CYTH2: variants seen among roughly 807,000 people sequenced by gnomAD.
CYTH2 encodes cytohesin-2.
Under a neutral mutation model 55.4 loss-of-function variants are expected in CYTH2, and 24 were observed. That is an observed-to-expected ratio of 0.43 (90% CI 0.31 to 0.61). CYTH2 has a LOEUF of 0.61. Ranked by LOEUF, CYTH2 falls within the 20% of genes least tolerant of loss-of-function variation. The pLI is 0.08. For missense variants in CYTH2, 378 were observed against 533.5 expected (o/e 0.71, Z 2.87); for synonymous variants, 221 against 209.6 (o/e 1.05, Z -0.47).
Position 48,478,536 on chromosome 19 carries a change from G to A in CYTH2, c.1056G>A (p.Val352=), listed in dbSNP as rs758418002. 3.7e-6 allele frequency: 6 copies of A among 1,614,004 alleles called. No individual in the cohort carries two copies. Among genetic ancestry groups the A allele is most frequent in the Non-Finnish European group, 5.1e-6 (6 of 1,179,954 alleles). Residue 352 remains valine (V), a synonymous_variant, in exon 11 of 12, where the codon GTG becomes GTA. Coordinates refer to ENST00000452733, the MANE Select transcript of CYTH2 (RefSeq NM_004228.7). Reference sequence around the variant, plus strand: ...GAGTGGTGGAGGGAAACCACATGGTGTACCGGATCTCGGCCCCCACGCAGG... The same window carrying A: ...GAGTGGTGGAGGGAAACCACATGGTATACCGGATCTCGGCCCCCACGCAGG... ...DGRVVEGNHM[V]YRISAPTQEE... is the part of the protein sequence containing the mutation.
Position 48,478,288 on chromosome 19 carries a change from G to A in CYTH2, c.899G>A (p.Arg300Gln), listed in dbSNP as rs1370643705. 2.5e-6 allele frequency: 4 copies of A among 1,613,724 alleles called. No individual in the cohort carries two copies. Among genetic ancestry groups the A allele is most frequent in the Non-Finnish European group, 3.4e-6 (4 of 1,179,976 alleles). ...YFEYTTDKEP[R>Q]GIIPLENLSI... is the part of the protein sequence containing the mutation. Reference sequence around the variant, plus strand: ...TTGCTTCTTCAGGACAAGGAGCCCCGAGGAATCATCCCCCTGGAGAATCTG... The same window carrying A: ...TTGCTTCTTCAGGACAAGGAGCCCCAAGGAATCATCCCCCTGGAGAATCTG... Residue 300 changes from arginine to glutamine, a missense_variant, in exon 10 of 12, where the codon CGA (arginine) becomes CAA (glutamine). Coordinates refer to ENST00000452733, the MANE Select transcript of CYTH2 (RefSeq NM_004228.7).
At chr19:48,476,333 T>C in intron 8 of CYTH2, 1 of 206,686 alleles carries the variant, frequency 4.8e-6, no homozygotes, top group South Asian at 5.9e-5. Context: ...TGAGCTCAAG[T>C]GGTCGAGGCT....
intron 5 of CYTH2, 168 bp downstream of exon 5, chr19:48,473,546 T>A (rs1034540975): frequency 1.5e-6 from 1 of 669,536 alleles, no homozygotes; most frequent in Non-Finnish European, 2.6e-6. Context: ...TATGGCCTCC[T>A]TCAGGTATGG....
chr19:48,479,504 C>A lies in CYTH2; in HGVS notation c.*294C>A. On this transcript the variant is annotated 3_prime_UTR_variant, in exon 12 of 12. Coordinates refer to ENST00000452733, the MANE Select transcript of CYTH2 (RefSeq NM_004228.7). The stretch of plus-strand genomic sequence containing the variant: ...GTCTCTGGGTGCTGCCTGGGCTGTC[C>A]CGGTGGGTCTGTTCTGGTTTCACCC... The A allele has an allele frequency of 2.3e-6, 1 of 437,124 alleles. No individual in the cohort carries two copies. Among genetic ancestry groups the A allele is most frequent in the South Asian group, 2.8e-5 (1 of 36,172 alleles). The allele number at this position is 437,124 out of a possible 1,614,324, so 27.1% of individuals were successfully genotyped here.
In CYTH2 at chr19:48,474,735, C is replaced by A; in HGVS notation, c.697-103C>A. ...TCCTCCCCACTACCCCTCTCTCTTCCCCACTATGAGTCATCCCATCCCTGG... is the reference window on the plus strand; with the variant it reads ...TCCTCCCCACTACCCCTCTCTCTTCACCACTATGAGTCATCCCATCCCTGG... On this transcript the variant is annotated intron_variant, in intron 7 of 11. Transcript: ENST00000452733. This position sits in a 1 kb window ranked among gnomAD's most constrained non-coding sequence, Gnocchi z 4.9. The A allele has an allele frequency of 1.0e-6, 1 of 954,770 alleles. No homozygotes were observed. Among genetic ancestry groups the A allele is most frequent in the Non-Finnish European group, 1.7e-6 (1 of 603,554 alleles). The allele number at this position is 954,770 out of a possible 1,614,324, so 59.1% of individuals were successfully genotyped here.
At chr19:48,469,816 G>A in intron 1 of CYTH2, 1 of 423,806 alleles carries the variant, frequency 2.4e-6, no homozygotes, top group East Asian at 6.0e-5. Flanking sequence ...GGGCGGGCGA[G>A]CCCAGCGCCT....
At chr19:48,473,014 A>G in intron 4 of CYTH2, 1 of 396,950 alleles carries the variant, frequency 2.5e-6, no homozygotes, top group Non-Finnish European at 4.7e-6. Context: ...GGATCATTTG[A>G]GAGAGGTGAC....
intron 8 of CYTH2, chr19:48,477,760 G>T: frequency 2.4e-6 from 1 of 421,222 alleles, no homozygotes. Flanking sequence ...CACTAGACGA[G>T]GGGAGGGGGC....
Position 48,478,539 on chromosome 19 carries a change from C to T in CYTH2, c.1059C>T (p.Tyr353=), listed in dbSNP as rs997253378. ...TGGTGGAGGGAAACCACATGGTGTA[C>T]CGGATCTCGGCCCCCACGCAGGAGG... ...GRVVEGNHMV[Y]RISAPTQEEK... Residue 353 remains tyrosine, a synonymous_variant, in exon 11 of 12, where the codon TAC becomes TAT. Coordinates refer to ENST00000452733, the MANE Select transcript of CYTH2 (RefSeq NM_004228.7). The T allele has an allele frequency of 1.9e-6, 3 of 1,613,784 alleles. No homozygotes were observed. The highest frequency in any genetic ancestry group is 1.7e-5 in the Admixed American group (1 of 59,976).
At position 48,474,584 on chromosome 19, in the gene CYTH2, T is replaced by G. The variant is rs532163577; in HGVS notation, c.696+254T>G. Among the ~76,000 whole-genome samples the G allele has an allele frequency of 2.6e-5, 4 of 152,146 alleles. No individual in the cohort carries two copies. Among genetic ancestry groups the G allele is most frequent in the Non-Finnish European group, 5.9e-5 (4 of 68,016 alleles). On this transcript the variant is annotated intron_variant, in intron 7 of 11. Coordinates refer to ENST00000452733, the MANE Select transcript of CYTH2 (RefSeq NM_004228.7). The surrounding 1 kb of genome is among the most constrained non-coding windows in gnomAD (Gnocchi z 4.9). ...GGCTGTTGGGCTTTCCGGCCCTCGA[T>G]TGGCCTCATTCCCCATCTGTCTGTT...
At chr19:48,472,639 C>T (rs1569088791) in intron 4 of CYTH2, 196 bp downstream of exon 4, 1 of 631,222 alleles carries the variant, frequency 1.6e-6, no homozygotes, top group Non-Finnish European at 2.9e-6. Flanking sequence ...CAACCGAGAG[C>T]ATCTGGGGAT....
intron 8 of CYTH2, chr19:48,477,570 C>G: frequency 6.3e-6 from 1 of 159,248 alleles, no homozygotes; most frequent in Admixed American, 6.1e-5. Flanking sequence ...TTCCCTCTCT[C>G]CTGTGTTTGC....
intron 1 of CYTH2, chr19:48,469,731 C>G (rs957248712): frequency 3.7e-6 from 3 of 808,708 alleles, no homozygotes; most frequent in Admixed American, 3.1e-5. Flanking sequence ...TGGGCTGAGC[C>G]TGTTTCCGGT....
In CYTH2 at chr19:48,470,774, G is replaced by T. The variant is rs1266620874; in HGVS notation, c.234+105G>T. On this transcript the variant is annotated intron_variant, in intron 3 of 11. Coordinates refer to ENST00000452733, the MANE Select transcript of CYTH2 (RefSeq NM_004228.7). ...TGATGGTGCCGGGTCTATTCTAGGTGGACAGACTTGGTCCTAATCCCTGGA... is the reference window on the plus strand; with the variant it reads ...TGATGGTGCCGGGTCTATTCTAGGTTGACAGACTTGGTCCTAATCCCTGGA... 5 of 1,255,354 alleles carry T rather than the reference G, an allele frequency of 4.0e-6. No homozygotes were observed. In the Admixed American group the frequency reaches 5.7e-5, roughly 14 times the overall value. 77.8% of individuals were successfully genotyped at this position (1,255,354 alleles called of 1,614,324 possible).
chr19:48,474,388 G>T lies in CYTH2; in HGVS notation c.696+58G>T. ...CCCTCTTCCTGCCACAGACACCCCC[G>T]CCCCACCTGTGGTCTCCTAGTGCCC... On this transcript the variant is annotated intron_variant, in intron 7 of 11. Transcript: ENST00000452733. This position sits in a 1 kb window ranked among gnomAD's most constrained non-coding sequence, Gnocchi z 4.9. 1 of 1,313,370 alleles carries T rather than the reference G, an allele frequency of 7.6e-7. No individual in the cohort carries two copies. Among genetic ancestry groups the T allele is most frequent in the South Asian group, 1.6e-5 (1 of 61,844 alleles). 81.4% of individuals were successfully genotyped at this position (1,313,370 alleles called of 1,614,324 possible).
At position 48,469,664 on chromosome 19, in the gene CYTH2, T is replaced by A; in HGVS notation, c.19+138T>A. The A allele has an allele frequency of 2.3e-6, 3 of 1,295,654 alleles. No individual in the cohort carries two copies. In the South Asian group the frequency reaches 5.2e-5, roughly 23 times the overall value. 80.3% of individuals were successfully genotyped at this position (1,295,654 alleles called of 1,614,324 possible). A position where few individuals can be genotyped will look rare whatever the true frequency, so the allele number is the denominator to read the frequency against. On this transcript the variant is annotated intron_variant, in intron 1 of 11. Transcript: ENST00000452733. ...CGTAGACTTGTCGCGCCGCTTTTGT[T>A]GGGCGCTGGACGGGCTTCCGGCGGG... is the stretch of plus-strand genomic sequence containing the variant.
chr19:48,476,411 A>G (rs1282423652), intron 8 of CYTH2: 1 of 163,104 alleles, frequency 6.1e-6, no homozygotes, highest in Non-Finnish European at 1.3e-5. Context: ...TCTCTATAAA[A>G]TAAAACATGC....
chr19:48,473,800 C>T lies in CYTH2; in HGVS notation c.435-105C>T, dbSNP rs184803168. The T allele has an allele frequency of 3.8e-5, 33 of 876,284 alleles. No individual in the cohort carries two copies. In the East Asian group the frequency reaches 5.9e-4, roughly 16 times the overall value. 54.3% of individuals were successfully genotyped at this position (876,284 alleles called of 1,614,324 possible). A position where few individuals can be genotyped will look rare whatever the true frequency, so the allele number is the denominator to read the frequency against. ...CCATACCTGAAACAACTGCTGAGGC[C>T]GGAAGGTCGGGATTCCTCGTGGACC... On this transcript the variant is annotated intron_variant, in intron 5 of 11. Transcript: ENST00000452733.
In CYTH2 at chr19:48,482,169, G is replaced by A. The variant is rs1201495473; in HGVS notation, c.*2959G>A. 2 of 152,130 alleles carry A rather than the reference G, an allele frequency of 1.3e-5. No homozygotes were observed. Among genetic ancestry groups the A allele is most frequent in the Non-Finnish European group, 2.9e-5 (2 of 68,048 alleles). The allele number at this position is 152,130 out of a possible 1,614,324, so 9.4% of individuals were successfully genotyped here. A position where few individuals can be genotyped will look rare whatever the true frequency, so the allele number is the denominator to read the frequency against. ...CCAGTCTTGAACCTTCCAGCCATCA[G>A]AATCTGAGCCAAATCAACCTCTTCC... On this transcript the variant is annotated 3_prime_UTR_variant, in exon 12 of 12. Transcript: ENST00000452733.
Sources: allele counts gnomAD v4.1 joint callset (sites outside exome capture counted in the v4.1 genomes callset), GRCh38; gene constraint gnomAD v4.1.1; non-coding constraint Gnocchi (gnomAD v3.1); transcripts MANE v1.5; gene names NCBI Gene and HGNC (gene_info 2026-07-23, HGNC 2026-07-21).